Variants in ELOVL5 observed in about 807,000 individuals in gnomAD.
ELOVL5 encodes very long chain fatty acid elongase 5.
Under a neutral mutation model 38.6 loss-of-function variants are expected in ELOVL5, and 8 were observed. The ratio of observed to expected loss-of-function variants is 0.21; its 90% CI spans 0.12 to 0.37. The LOEUF is 0.37. Among genes scored for constraint, ELOVL5 ranks in the 10% least tolerant of loss-of-function variants. The pLI is 1.00. For missense variants in ELOVL5, 280 were observed against 367.8 expected (o/e 0.76, Z 1.95); for synonymous variants, 127 against 133.7 (o/e 0.95, Z 0.34).
At chr6:53,319,937 C>T (rs1341938437) in intron 1 of ELOVL5, among the ~76,000 whole-genome samples, 3 of 152,150 alleles carry the variant, frequency 2.0e-5, no homozygotes, top group Non-Finnish European at 4.4e-5. Flanking sequence ...GTAAGTAAGA[C>T]GAAGGTTTGG....
At chr6:53,288,393 G>T (rs550037335) in intron 3 of ELOVL5, among the ~76,000 whole-genome samples, 1 of 152,240 alleles carries the variant, frequency 6.6e-6, no homozygotes, top group African/African-American at 2.4e-5. Flanking sequence ...CTATAACCTG[G>T]AATTTCATTT....
chr6:53,308,377 T>C (rs1767689878), intron 1 of ELOVL5, among the ~76,000 whole-genome samples: 1 of 152,228 alleles, frequency 6.6e-6, no homozygotes. Context: ...CGGCAGAACC[T>C]CTGGTGTTCC....
intron 2 of ELOVL5, among the ~76,000 whole-genome samples, chr6:53,295,258 GAGA>G (rs1766946669): frequency 6.6e-6 from 1 of 152,158 alleles, no homozygotes; most frequent in Non-Finnish European, 1.5e-5. Context: ...GATACAAAAT[GAGA>G]AGACCTTAAA....
At chr6:53,344,579 C>T (rs531633413) in intron 1 of ELOVL5, among the ~76,000 whole-genome samples, 79 of 152,312 alleles carry the variant, frequency 5.2e-4, no homozygotes, top group Non-Finnish European at 9.6e-4. Context: ...GACCCCAAAT[C>T]AAGTGTCTAA....
chr6:53,291,925 T>C lies in ELOVL5; in HGVS notation c.97A>G (p.Ile33Val), dbSNP rs148971820. 3 of 1,606,092 alleles carry C rather than the reference T, an allele frequency of 1.9e-6. No homozygotes were observed. Among genetic ancestry groups the C allele is most frequent in the Non-Finnish European group, 2.6e-6 (3 of 1,175,054 alleles). Residue 33 changes from isoleucine to valine, a missense_variant, in exon 3 of 8, where the codon ATA becomes GTA. By Grantham distance (29) the Ile-to-Val change is conservative. This residue lies in a region of ELOVL5 where 150 missense variants were observed against 178.0 expected (regional missense o/e 0.84). Coordinates refer to ENST00000304434, the MANE Select transcript of ELOVL5 (RefSeq NM_021814.5). ...ATGACAGAGCAGATAAATGTGGGTATATAATTGTCCAGAAGAAACCATCCT... is the reference window on the plus strand; with the variant it reads ...ATGACAGAGCAGATAAATGTGGGTACATAATTGTCCAGAAGAAACCATCCT... Reference protein sequence around the residue: ...VKGWFLLDNYIPTFICSVIYL... With the variant: ...VKGWFLLDNYVPTFICSVIYL...
intron 3 of ELOVL5, among the ~76,000 whole-genome samples, chr6:53,282,703 T>C (rs1766406021): frequency 6.6e-6 from 1 of 152,258 alleles, no homozygotes; most frequent in Admixed American, 6.5e-5. Context: ...AACTGCTCTA[T>C]ACCTCTGCTA....
At position 53,268,460 on chromosome 6, in the gene ELOVL5, A is replaced by C. The variant is rs1765813474; in HGVS notation, c.*667T>G. 6.6e-6 allele frequency: 1 copy of C among 152,474 alleles called. No homozygotes were observed. The highest frequency in any genetic ancestry group is 6.5e-5 in the Admixed American group (1 of 15,278). The allele number at this position is 152,474 out of a possible 1,614,324, so 9.4% of individuals were successfully genotyped here. ...ATTAATAGTGGCACTCAAAATAAAA[A>C]AATAAGATCTGTTAAAAAGTTAAAC... is the stretch of plus-strand genomic sequence containing the variant. On this transcript the variant is annotated 3_prime_UTR_variant, in exon 8 of 8. Coordinates refer to ENST00000304434, the MANE Select transcript of ELOVL5 (RefSeq NM_021814.5).
intron 1 of ELOVL5, among the ~76,000 whole-genome samples, chr6:53,324,259 AAAAAAAAAAAAAAAAAG>A (rs1768419313): frequency 6.6e-6 from 1 of 150,698 alleles, no homozygotes; most frequent in South Asian, 2.1e-4. Context: ...CCTCAAAAAA[AAAAAAAAAAAAAAAAAG>A]AAAAAAAAGA....
intron 1 of ELOVL5, among the ~76,000 whole-genome samples, chr6:53,305,208 CCCCCACCTCCCT>C (rs1767450125): frequency 6.8e-6 from 1 of 148,060 alleles, no homozygotes; most frequent in African/African-American, 2.5e-5. Flanking sequence ...CGGGGCTGAC[CCCCCACCTCCCT>C]CCCGGACGGG....
intron 1 of ELOVL5, among the ~76,000 whole-genome samples, chr6:53,330,355 A>C (rs1255287236): frequency 6.6e-6 from 1 of 152,172 alleles, no homozygotes; most frequent in Non-Finnish European, 1.5e-5. Context: ...ATGAGTGGTG[A>C]ATGACTATGA....
intron 1 of ELOVL5, among the ~76,000 whole-genome samples, chr6:53,339,634 A>C (rs991242610): frequency 6.6e-6 from 1 of 152,236 alleles, no homozygotes; most frequent in Non-Finnish European, 1.5e-5. Context: ...ATCATAGCAC[A>C]ATAAAACATT....
intron 3 of ELOVL5, among the ~76,000 whole-genome samples, chr6:53,280,124 G>C (rs1766296131): frequency 6.6e-6 from 1 of 152,210 alleles, no homozygotes; most frequent in Admixed American, 6.5e-5. Context: ...TGCGTGTTAA[G>C]TAGACACCAC....
chr6:53,329,353 T>C (rs1008353134), intron 1 of ELOVL5, among the ~76,000 whole-genome samples: 5 of 152,240 alleles, frequency 3.3e-5, no homozygotes, highest in Non-Finnish European at 7.3e-5. Flanking sequence ...TTCATAATTG[T>C]TTTAAACCTA....
intron 1 of ELOVL5, among the ~76,000 whole-genome samples, chr6:53,335,352 C>T (rs1420063919): frequency 6.6e-6 from 1 of 152,220 alleles, no homozygotes; most frequent in Non-Finnish European, 1.5e-5. Context: ...TCTGGCTTCC[C>T]TGGTCTACTT....
At chr6:53,324,691 A>AAAAAAAAAAAAAAAAAAAAAAAC (rs70980840) in intron 1 of ELOVL5, among the ~76,000 whole-genome samples, 2 of 118,060 alleles carry the variant, frequency 1.7e-5, no homozygotes. Flanking sequence ...AAAAAAAAAA[A>AAAAAAAAAAAAAAAAAAAAAAAC]GGAAAAGAAA....
chr6:53,289,485 G>A (rs763270093), intron 3 of ELOVL5, among the ~76,000 whole-genome samples: 2 of 152,218 alleles, frequency 1.3e-5, no homozygotes, highest in African/African-American at 2.4e-5. Flanking sequence ...TTGGGAGGCC[G>A]AGGCGGGTGG....
chr6:53,291,639 A>G, intron 3 of ELOVL5, 137 bp downstream of exon 3: 1 of 551,146 alleles, frequency 1.8e-6, no homozygotes, highest in Admixed American at 3.6e-5. Context: ...AAACACACTC[A>G]TAACGCATTA....
intron 3 of ELOVL5, among the ~76,000 whole-genome samples, chr6:53,287,696 C>A (rs745346714): frequency 1.9e-4 from 29 of 152,184 alleles, no homozygotes; most frequent in Non-Finnish European, 3.4e-4. Flanking sequence ...AGGGGTAGAG[C>A]CCAGAAGAAT....
intron 1 of ELOVL5, among the ~76,000 whole-genome samples, chr6:53,334,357 C>A (rs1335735981): frequency 1.3e-5 from 2 of 152,126 alleles, no homozygotes; most frequent in African/African-American, 2.4e-5. Context: ...AGAAGACCTG[C>A]AGCACAGGGT....
Sources: gnomAD v4.1 joint callset for allele counts (sites outside exome capture counted in the v4.1 genomes callset) on GRCh38, gnomAD v4.1.1 for gene constraint, gnomAD v4.1.1 regional missense constraint, MANE v1.5 for transcripts, NCBI Gene and HGNC (gene_info 2026-07-23, HGNC 2026-07-21) for gene names.